The following OLFM2 variants were observed in gnomAD, a reference collection of about 807,000 sequenced individuals.
OLFM2 encodes the protein olfactomedin 2.
A neutral mutation model predicts 43.9 loss-of-function variants in OLFM2; 20 were observed. The observed-to-expected ratio is 0.46, with a 90% confidence interval of 0.32 to 0.66. OLFM2 has a LOEUF of 0.66. Ranked by LOEUF, OLFM2 falls within the 30% of genes least tolerant of loss-of-function variation. The pLI, the probability that OLFM2 is intolerant of heterozygous loss-of-function variation, is 0.04. For synonymous variants in OLFM2, 268 were observed against 278.6 expected (o/e 0.96, Z 0.38); for missense variants, 416 against 643.6 (o/e 0.65, Z 3.83).
intron 1 of OLFM2, among the ~76,000 whole-genome samples, chr19:9,917,097 A>G (rs1359921113): frequency 2.0e-5 from 3 of 152,062 alleles, no homozygotes; most frequent in Admixed American, 2.0e-4. Context: ...GGACACTGCA[A>G]CCTCAGGACC....
At chr19:9,883,674 C>T (rs1176110471) in intron 1 of OLFM2, among the ~76,000 whole-genome samples, 3 of 152,130 alleles carry the variant, frequency 2.0e-5, no homozygotes, top group Admixed American at 6.6e-5. Context: ...TATCCATCCC[C>T]GGCTGAGCAC....
intron 1 of OLFM2, among the ~76,000 whole-genome samples, chr19:9,890,189 A>C (rs1331353473): frequency 6.6e-6 from 1 of 152,052 alleles, no homozygotes; most frequent in African/African-American, 2.4e-5. Context: ...AGCACCTATT[A>C]TTCTTCTTCC....
chr19:9,899,264 C>T (rs1475982957), intron 1 of OLFM2, among the ~76,000 whole-genome samples: 1 of 144,332 alleles, frequency 6.9e-6, no homozygotes, highest in Admixed American at 6.8e-5. Context: ...GATTCCATCT[C>T]AATTAAAAAA....
At position 9,854,485 on chromosome 19, in the gene OLFM2, C is replaced by T; in HGVS notation, c.1066G>A (p.Glu356Lys). ...CCGGTGTCCCAGGACCGCATGACCT[C>T]GAGGGTGTGCGGGTCCAGCCGGCTG... The part of the protein sequence containing the change: ...VVSRLDPHTL[E>K]VMRSWDTGYP... The change falls in exon 6 of 6, where the codon GAG becomes AAG. Residue 356 changes from glutamate (E) to lysine (K), a missense_variant. Coordinates refer to ENST00000264833, the MANE Select transcript of OLFM2 (RefSeq NM_058164.4). This position sits in a 1 kb window ranked among gnomAD's most constrained non-coding sequence, Gnocchi z 9.5. 5 of 1,613,954 alleles carry T rather than the reference C, an allele frequency of 3.1e-6. No homozygotes were observed. The highest frequency in any genetic ancestry group is 1.3e-5 in the African/African-American group (1 of 75,028).
intron 1 of OLFM2, among the ~76,000 whole-genome samples, chr19:9,926,896 G>A (rs1386306316): frequency 1.3e-5 from 2 of 151,760 alleles, no homozygotes; most frequent in South Asian, 2.1e-4. Context: ...GAGGTGGGAG[G>A]ATTGCCTGAG....
intron 1 of OLFM2, among the ~76,000 whole-genome samples, chr19:9,928,994 AT>A (rs2086468437): frequency 6.6e-6 from 1 of 151,918 alleles, no homozygotes; most frequent in Non-Finnish European, 1.5e-5. Context: ...AGGCAGGAGA[AT>A]TGCTTAAGCC....
intron 1 of OLFM2, among the ~76,000 whole-genome samples, chr19:9,907,055 C>A (rs2046791205): frequency 6.6e-6 from 1 of 152,164 alleles, no homozygotes; most frequent in Admixed American, 6.6e-5. Context: ...CAAGGGGTCA[C>A]CCGGAGCTTG....
chr19:9,904,154 G>T (rs1361386804), intron 1 of OLFM2, among the ~76,000 whole-genome samples: 1 of 31,278 alleles, frequency 3.2e-5, no homozygotes, highest in Non-Finnish European at 6.4e-5. Flanking sequence ...AGTATTGTTT[G>T]TGTGTGTGTG....
chr19:9,857,693 G>A lies in OLFM2; in HGVS notation c.360+22C>T. On this transcript the variant is annotated intron_variant, in intron 3 of 5. Transcript: ENST00000264833. This position sits in a 1 kb window ranked among gnomAD's most constrained non-coding sequence, Gnocchi z 5.7. ...ATCCCAGTCATTTGTTTGACCTCTG[G>A]TCTGGACACAGGAGGACCCACCTGG... The A allele has an allele frequency of 1.9e-6, 3 of 1,614,098 alleles. No homozygotes were observed. The highest frequency in any genetic ancestry group is 1.3e-5 in the African/African-American group (1 of 75,036).
At chr19:9,927,001 A>G (rs945735569) in intron 1 of OLFM2, among the ~76,000 whole-genome samples, 8 of 151,386 alleles carry the variant, frequency 5.3e-5, no homozygotes, top group Admixed American at 1.3e-4. Flanking sequence ...TAAATAAATA[A>G]GGTCCAGCAC....
intron 1 of OLFM2, among the ~76,000 whole-genome samples, chr19:9,920,741 CAAAAA>C (rs557455889): frequency 1.9e-4 from 24 of 126,622 alleles, no homozygotes; most frequent in African/African-American, 6.2e-4. Flanking sequence ...ACTAAACATA[CAAAAA>C]AAAAAAAAAA....
At chr19:9,891,306 C>T (rs2046637573) in intron 1 of OLFM2, among the ~76,000 whole-genome samples, 1 of 116,564 alleles carries the variant, frequency 8.6e-6, no homozygotes. Flanking sequence ...GAGCGAGACT[C>T]CATCTCGGAA....
intron 1 of OLFM2, among the ~76,000 whole-genome samples, chr19:9,916,377 G>C (rs1296953373): frequency 6.6e-6 from 1 of 152,116 alleles, no homozygotes; most frequent in Non-Finnish European, 1.5e-5. Flanking sequence ...AAAAAGATGA[G>C]TTCTTGCCAG....
intron 2 of OLFM2, chr19:9,858,271 G>A: frequency 3.4e-6 from 1 of 290,860 alleles, no homozygotes; most frequent in South Asian, 2.6e-5. Context: ...TGTTCTCACA[G>A]ACTCTAAGCT....
intron 1 of OLFM2, among the ~76,000 whole-genome samples, chr19:9,922,930 G>A (rs978915921): frequency 3.3e-4 from 49 of 149,676 alleles, no homozygotes; most frequent in Non-Finnish European, 4.7e-4. Flanking sequence ...AAAAAAGAAA[G>A]AAAAAAAGAA....
chr19:9,932,755 C>T (rs1401286751), intron 1 of OLFM2, among the ~76,000 whole-genome samples: 5 of 152,174 alleles, frequency 3.3e-5, no homozygotes, highest in African/African-American at 1.2e-4. Flanking sequence ...AACGATGTAG[C>T]TAGATCTTAG....
At chr19:9,878,017 A>G (rs992050102) in intron 1 of OLFM2, among the ~76,000 whole-genome samples, 6 of 152,022 alleles carry the variant, frequency 3.9e-5, no homozygotes, top group Non-Finnish European at 5.9e-5. Flanking sequence ...CATCTGGCTA[A>G]TTTAAAAAAT....
intron 1 of OLFM2, among the ~76,000 whole-genome samples, chr19:9,864,606 A>G (rs1218162948): frequency 6.6e-6 from 1 of 150,928 alleles, no homozygotes; most frequent in Non-Finnish European, 1.5e-5. Flanking sequence ...TGGCACATTT[A>G]TTTATTTTTT....
At chr19:9,908,712 C>T (rs1237705031) in intron 1 of OLFM2, among the ~76,000 whole-genome samples, 4 of 151,786 alleles carry the variant, frequency 2.6e-5, no homozygotes, top group East Asian at 1.9e-4. Context: ...CTCCTGACCT[C>T]GTGATCTGCC....
Sources: allele counts gnomAD v4.1 joint callset (sites outside exome capture counted in the v4.1 genomes callset), GRCh38; gene constraint gnomAD v4.1.1; non-coding constraint Gnocchi (gnomAD v3.1); transcripts MANE v1.5; gene names NCBI Gene and HGNC (gene_info 2026-07-23, HGNC 2026-07-21).